The following RFX2 variants were observed in gnomAD, a reference collection of about 807,000 sequenced individuals.
The protein encoded by RFX2 is regulatory factor X2, also known as DNA-binding protein RFX2.
RFX2 carries 20 observed loss-of-function variants against 87.8 expected under a neutral mutation model. The ratio of observed to expected loss-of-function variants is 0.23; its 90% CI spans 0.16 to 0.33. The LOEUF is 0.33. Ranked by LOEUF, RFX2 falls within the 10% of genes least tolerant of loss-of-function variation. The pLI, the probability that RFX2 is intolerant of heterozygous loss-of-function variation, is 1.00. For synonymous variants in RFX2, 397 were observed against 431.3 expected (o/e 0.92, Z 0.98); for missense variants, 767 against 1,012.3 (o/e 0.76, Z 3.29).
intron 16 of RFX2, among the ~76,000 whole-genome samples, chr19:5,996,020 C>G (rs1026318640): frequency 6.6e-6 from 1 of 152,260 alleles, no homozygotes; most frequent in Non-Finnish European, 1.5e-5. Context: ...CTTGGCTGCC[C>G]CAAAGCCCGG....
At position 6,022,245 on chromosome 19, in the gene RFX2, CT is replaced by C. The variant is rs1321269902; in HGVS notation, c.597+3917del. Among the ~76,000 whole-genome samples the C allele has an allele frequency of 6.6e-6, 1 of 152,192 alleles. No individual in the cohort carries two copies. Among genetic ancestry groups the C allele is most frequent in the Non-Finnish European group, 1.5e-5 (1 of 68,028 alleles). On this transcript the variant is annotated intron_variant, in intron 6 of 17. Transcript: ENST00000303657. This position sits in a 1 kb window ranked among gnomAD's most constrained non-coding sequence, Gnocchi z 6.2. Reference sequence around the variant, plus strand: ...CAGCGGCACTTCTGGACAGAGGCCCCTTCTGAGGAGCTGCCGGCTCTAGCAA... The same window carrying C: ...CAGCGGCACTTCTGGACAGAGGCCCCTCTGAGGAGCTGCCGGCTCTAGCAA...
chr19:6,070,371 A>G (rs1238939863), intron 1 of RFX2, among the ~76,000 whole-genome samples: 1 of 151,900 alleles, frequency 6.6e-6, no homozygotes. Context: ...ACACCAAGTC[A>G]TAGTCCTTCT....
rs57501118 is a variant in RFX2, at chr19:6,084,643, C to CTTTTTTTT, written c.-9+25742_-9+25749dup. 2.8e-5 allele frequency among the ~76,000 whole-genome samples: 4 copies of CTTTTTTTT among 145,360 alleles called. 1 individual carries two copies. The highest frequency in any genetic ancestry group is 8.2e-5 in the African/African-American group (3 of 36,698). ...TGTCCTTTTTTTTCTTTCTTTCTTT[C>CTTTTTTTT]TTTTTTTTGAGACAGAATCTCGCTC... On this transcript the variant is annotated intron_variant, in intron 1 of 17. Transcript: ENST00000303657.
At chr19:6,003,718 G>A (rs975775903) in intron 13 of RFX2, among the ~76,000 whole-genome samples, 1 of 142,264 alleles carries the variant, frequency 7.0e-6, no homozygotes, top group African/African-American at 2.6e-5. Flanking sequence ...GGCAGACGTT[G>A]CAGTGAGCTG....
intron 5 of RFX2, among the ~76,000 whole-genome samples, chr19:6,038,322 G>A (rs1261736532): frequency 1.4e-4 from 11 of 77,962 alleles, no homozygotes; most frequent in Non-Finnish European, 2.3e-4. Context: ...GCAAGACTCC[G>A]TCTCAGAAAA....
In RFX2 at chr19:6,040,064, G is replaced by A; in HGVS notation, c.438C>T (p.Ser146=). The A allele has an allele frequency of 6.2e-7, 1 of 1,612,152 alleles. No individual in the cohort carries two copies. Among genetic ancestry groups the A allele is most frequent in the Non-Finnish European group, 8.5e-7 (1 of 1,179,642 alleles). Reference sequence around the variant, plus strand: ...CGTGGATGAGATAGGCTCCCGCGCTGGAGACGATGGGGCTCCCCCCGACAT... The same window carrying A: ...CGTGGATGAGATAGGCTCCCGCGCTAGAGACGATGGGGCTCCCCCCGACAT... The part of the protein sequence containing the change: ...TMDVGGSPIV[S]SAGAYLIHGG... Residue 146 remains serine (S), a synonymous_variant, in exon 5 of 18, where the codon TCC becomes TCT. Coordinates refer to ENST00000303657, the MANE Select transcript of RFX2 (RefSeq NM_000635.4). The surrounding 1 kb of genome is among the most constrained non-coding windows in gnomAD (Gnocchi z 6.1).
chr19:5,997,919 G>A lies in RFX2; in HGVS notation c.1860-706C>T, dbSNP rs557225842. Among the ~76,000 whole-genome samples the A allele has an allele frequency of 2.6e-5, 4 of 152,284 alleles. No homozygotes were observed. In the South Asian group the frequency reaches 8.3e-4, roughly 32 times the overall value. On this transcript the variant is annotated intron_variant, in intron 15 of 17. Coordinates refer to ENST00000303657, the MANE Select transcript of RFX2 (RefSeq NM_000635.4). This position sits in a 1 kb window ranked among gnomAD's most constrained non-coding sequence, Gnocchi z 4.2. ...TCCACAGACAGTTTCACTGGCACGC[G>A]TCATGCCCGTTCCTATGTTGTCTTT...
intron 1 of RFX2, among the ~76,000 whole-genome samples, chr19:6,059,552 A>G (rs1193694425): frequency 6.6e-6 from 1 of 152,132 alleles, no homozygotes; most frequent in Non-Finnish European, 1.5e-5. Context: ...CTAAAGTCCA[A>G]CACATTGGAG....
chr19:6,077,213 A>G (rs192665035), intron 1 of RFX2: 1 of 152,364 alleles, frequency 6.6e-6, no homozygotes, highest in East Asian at 1.9e-4. Context: ...CTCCAAAAGG[A>G]GAGGCCATTT....
In RFX2 at chr19:6,013,114, C is replaced by G; in HGVS notation, c.780-9G>C. On this transcript the variant is annotated splice_polypyrimidine_tract_variant and intron_variant, in intron 7 of 17. Coordinates refer to ENST00000303657, the MANE Select transcript of RFX2 (RefSeq NM_000635.4). This position sits in a 1 kb window ranked among gnomAD's most constrained non-coding sequence, Gnocchi z 4.1. ...GGTACTTCGAGTTGCCCCTGGAAAC[C>G]AAACATCCCAGGGTCAGCTCCCTTT... 1.3e-6 allele frequency: 2 copies of G among 1,584,438 alleles called. No homozygotes were observed. The highest frequency in any genetic ancestry group is 1.7e-6 in the Non-Finnish European group (2 of 1,166,282).
At chr19:6,065,804 G>A (rs2087501381) in intron 1 of RFX2, among the ~76,000 whole-genome samples, 1 of 152,112 alleles carries the variant, frequency 6.6e-6, no homozygotes, top group Non-Finnish European at 1.5e-5. Flanking sequence ...ACTAAAGCGA[G>A]TCTCACCACG....
intron 1 of RFX2, among the ~76,000 whole-genome samples, chr19:6,084,522 A>G (rs900603469): frequency 1.3e-5 from 2 of 148,748 alleles, no homozygotes; most frequent in Non-Finnish European, 3.0e-5. Flanking sequence ...CTCACTCCCT[A>G]CCCCCTCCCC....
rs1338573747 is a variant in RFX2 at position 6,031,842 on chromosome 19, G to A, written c.523-5605C>T. ...CTGCATTCTTTTTTAAAAAAGAGGT[G>A]GGGTCTCTCTCTGCTGCCCAGGCTG... is the stretch of plus-strand genomic sequence containing the variant. On this transcript the variant is annotated intron_variant, in intron 5 of 17. Transcript: ENST00000303657. Among the ~76,000 whole-genome samples, 3 of 149,614 alleles carry A rather than the reference G, an allele frequency of 2.0e-5. No individual in the cohort carries two copies. The East Asian group carries it at 6.2e-4, about 31-fold the overall frequency.
At position 6,063,514 on chromosome 19, in the gene RFX2, C is replaced by T. The variant is rs1000512917; in HGVS notation, c.-8-16010G>A. Among the ~76,000 whole-genome samples, 1 of 152,328 alleles carries T rather than the reference C, an allele frequency of 6.6e-6. No individual in the cohort carries two copies. Among genetic ancestry groups the T allele is most frequent in the African/African-American group, 2.4e-5 (1 of 41,574 alleles). ...ATGGACAAGACCCCTCCAGCAGGGC[C>T]AGGCAGGCTGGGCAGCCCTCTGTCC... is the stretch of plus-strand genomic sequence containing the variant. On this transcript the variant is annotated intron_variant, in intron 1 of 17. Coordinates refer to ENST00000303657, the MANE Select transcript of RFX2 (RefSeq NM_000635.4). The surrounding 1 kb of genome is among the most constrained non-coding windows in gnomAD (Gnocchi z 4.0).
intron 6 of RFX2, among the ~76,000 whole-genome samples, chr19:6,025,308 T>C (rs1226137769): frequency 6.6e-6 from 1 of 152,076 alleles, no homozygotes; most frequent in East Asian, 1.9e-4. Context: ...CCTCCTGTCA[T>C]GGGGACTGTG....
chr19:6,090,245 A>G (rs143641382), intron 1 of RFX2, among the ~76,000 whole-genome samples: 2,570 of 152,074 alleles, frequency 0.017, 79 homozygotes, highest in African/African-American at 0.059. Context: ...TGAGATTACA[A>G]GCATGAGCCA....
rs962112210 is a variant in RFX2 at position 6,008,144 on chromosome 19, C to G, written c.1096G>C (p.Val366Leu). The G allele has an allele frequency of 6.4e-7, 1 of 1,554,992 alleles. No individual in the cohort carries two copies. Among genetic ancestry groups the G allele is most frequent in the Non-Finnish European group, 8.7e-7 (1 of 1,148,546 alleles). The change falls in exon 10 of 18, where the codon GTC becomes CTC. Residue 366 changes from valine (V) to leucine (L), a missense_variant. Coordinates refer to ENST00000303657, the MANE Select transcript of RFX2 (RefSeq NM_000635.4). ...CTGTACACCAGCTGCAGGGCCTTGA[C>G]GTCGTGCAGTGTGACGCCGTCCTGC... ...LLQDGVTLHDVKALQLVYRRH... is the reference protein window; with the variant it reads ...LLQDGVTLHDLKALQLVYRRH...
intron 1 of RFX2, among the ~76,000 whole-genome samples, chr19:6,090,205 T>C (rs1568193018): frequency 6.6e-6 from 1 of 151,964 alleles, no homozygotes; most frequent in Non-Finnish European, 1.5e-5. Flanking sequence ...TGAGCTCAAG[T>C]GATCTTCCTG....
In RFX2 at chr19:6,021,075, C is replaced by A. The variant is rs2086804901; in HGVS notation, c.598-4804G>T. On this transcript the variant is annotated intron_variant, in intron 6 of 17. Transcript: ENST00000303657. This position sits in a 1 kb window ranked among gnomAD's most constrained non-coding sequence, Gnocchi z 5.7. The stretch of plus-strand genomic sequence containing the variant: ...GGGATCATGCCCACCTACCTGGCCC[C>A]CTTTGTCTCCTAAGATACTTGTTTC... Among the ~76,000 whole-genome samples the A allele has an allele frequency of 6.6e-6, 1 of 152,200 alleles. No homozygotes were observed.
Sources: gnomAD v4.1 joint callset for allele counts (sites outside exome capture counted in the v4.1 genomes callset) on GRCh38, gnomAD v4.1.1 for gene constraint, Gnocchi (gnomAD v3.1) non-coding constraint, MANE v1.5 for transcripts, NCBI Gene and HGNC (gene_info 2026-07-23, HGNC 2026-07-21) for gene names.